Variants in ZMIZ1 observed in about 807,000 individuals in gnomAD.
ZMIZ1 encodes zinc finger MIZ domain-containing protein 1.
Under a neutral mutation model 113.9 loss-of-function variants are expected in ZMIZ1, and 17 were observed. The ratio of observed to expected loss-of-function variants is 0.15; its 90% CI spans 0.10 to 0.22. ZMIZ1 has a LOEUF of 0.22. ZMIZ1 is among the 10% of genes least tolerant of loss of function. ZMIZ1 has a pLI of 1.00. For missense variants in ZMIZ1, 1,059 were observed against 1,477.8 expected, an observed-to-expected ratio of 0.72 and a Z score of 4.65; for synonymous variants, 607 against 603.1, an observed-to-expected ratio of 1.01 and a Z score of -0.09.
At chr10:79,078,237 G>T (rs555090254) in intron 1 of ZMIZ1, among the ~76,000 whole-genome samples, 1 of 152,224 alleles carries the variant, frequency 6.6e-6, no homozygotes, top group South Asian at 2.1e-4. Flanking sequence ...GACTCTTCTC[G>T]TGTGAAGGGA....
At chr10:79,264,530 C>T (rs1038898869) in intron 7 of ZMIZ1, among the ~76,000 whole-genome samples, 1 of 152,174 alleles carries the variant, frequency 6.6e-6, no homozygotes, top group Admixed American at 6.5e-5. Flanking sequence ...AGAGCTCCTC[C>T]GCCATTGCCC....
At chr10:79,143,666 C>G (rs960896520) in intron 3 of ZMIZ1, among the ~76,000 whole-genome samples, 1 of 152,100 alleles carries the variant, frequency 6.6e-6, no homozygotes, top group Non-Finnish European at 1.5e-5. Flanking sequence ...TCCAGCATAA[C>G]AGTGAGCACT....
chr10:79,162,241 C>T, intron 4 of ZMIZ1, 108 bp downstream of exon 4: 1 of 397,658 alleles, frequency 2.5e-6, no homozygotes, highest in Non-Finnish European at 4.4e-6. Flanking sequence ...CGGGCCTCAG[C>T]CCTGAGGGGC....
chr10:79,078,382 C>T (rs958438124), intron 1 of ZMIZ1, among the ~76,000 whole-genome samples: 12 of 152,068 alleles, frequency 7.9e-5, no homozygotes, highest in African/African-American at 1.7e-4. Flanking sequence ...GACCATGAGC[C>T]GAAACAACAT....
chr10:79,223,967 C>T (rs1360023960), intron 7 of ZMIZ1, among the ~76,000 whole-genome samples: 2 of 152,140 alleles, frequency 1.3e-5, no homozygotes, highest in Non-Finnish European at 2.9e-5. Context: ...CCTGGGGTTC[C>T]AGGAATGAGC....
intron 5 of ZMIZ1, among the ~76,000 whole-genome samples, chr10:79,204,492 C>T (rs1170621607): frequency 6.6e-6 from 1 of 152,232 alleles, no homozygotes; most frequent in African/African-American, 2.4e-5. Context: ...ATCTGTACCC[C>T]ATCCCTGAGC....
chr10:79,230,542 T>A (rs1288380237), intron 7 of ZMIZ1, among the ~76,000 whole-genome samples: 1 of 152,198 alleles, frequency 6.6e-6, no homozygotes, highest in East Asian at 1.9e-4. Context: ...TTCCTCCCAA[T>A]TAAGCGTCTG....
intron 4 of ZMIZ1, among the ~76,000 whole-genome samples, chr10:79,163,824 C>T (rs564249046): frequency 1.1e-4 from 17 of 152,284 alleles, no homozygotes; most frequent in Admixed American, 8.5e-4. Flanking sequence ...TGGCCTGCCT[C>T]TCCCGATGGG....
intron 12 of ZMIZ1, 181 bp downstream of exon 12, chr10:79,293,834 G>A (rs764944173): frequency 2.0e-5 from 18 of 902,002 alleles, no homozygotes. Context: ...TTTCCCAACT[G>A]AAAGACCTCG....
chr10:79,303,959 C>T, intron 18 of ZMIZ1, 56 bp from the exon 19 acceptor site: 1 of 1,607,538 alleles, frequency 6.2e-7, no homozygotes, highest in Non-Finnish European at 8.5e-7. Flanking sequence ...TGCAGACCCC[C>T]TACCTCTGCA....
Position 79,171,423 on chromosome 10 carries a change from G to T in ZMIZ1, c.-50+9290G>T, listed in dbSNP as rs559432490. On this transcript the variant is annotated intron_variant, in intron 4 of 24. Coordinates refer to ENST00000334512, the MANE Select transcript of ZMIZ1 (RefSeq NM_020338.4). ...GTCCCACTGGGTCCTTAGTTCACAT[G>T]TGGTGCCTGGTACAGCACCCACCTT... Among the ~76,000 whole-genome samples the T allele has an allele frequency of 4.6e-5, 7 of 152,356 alleles. No homozygotes were observed. In the South Asian group the frequency reaches 1.4e-3, roughly 32 times the overall value.
rs1855513042 is a variant in ZMIZ1 at position 79,315,995 on chromosome 10, T to C, written c.*3246T>C. ...TGAGTGGAAAGGGGTTTTTGTTCTG[T>C]TTTTATTTTACCTACATGTACTATT... is the stretch of plus-strand genomic sequence containing the variant. On this transcript the variant is annotated 3_prime_UTR_variant, in exon 25 of 25. Transcript: ENST00000334512. The C allele has an allele frequency of 6.5e-6, 1 of 152,802 alleles. No homozygotes were observed. The highest frequency in any genetic ancestry group is 1.5e-5 in the Non-Finnish European group (1 of 68,050). 9.5% of individuals were successfully genotyped at this position (152,802 alleles called of 1,614,324 possible). A position where few individuals can be genotyped will look rare whatever the true frequency, so the allele number is the denominator to read the frequency against.
At chr10:79,170,385 G>A (rs895204680) in intron 4 of ZMIZ1, among the ~76,000 whole-genome samples, 5 of 152,132 alleles carry the variant, frequency 3.3e-5, no homozygotes, top group Non-Finnish European at 5.9e-5. Context: ...GTGGGTTTCC[G>A]CCCCATTCCT....
chr10:79,263,945 C>G (rs77528634), intron 7 of ZMIZ1, among the ~76,000 whole-genome samples: 8,170 of 152,218 alleles, frequency 0.054, 251 homozygotes, highest in Middle Eastern at 0.095. Context: ...AGGAGGGGAC[C>G]TCCTCAGAAA....
intron 4 of ZMIZ1, among the ~76,000 whole-genome samples, chr10:79,183,515 C>G (rs574462440): frequency 6.6e-6 from 1 of 152,134 alleles, no homozygotes; most frequent in Non-Finnish European, 1.5e-5. Context: ...GGTCCCAGAA[C>G]CATCCAGAAT....
At chr10:79,233,276 C>A (rs1294175651) in intron 7 of ZMIZ1, among the ~76,000 whole-genome samples, 1 of 152,248 alleles carries the variant, frequency 6.6e-6, no homozygotes, top group African/African-American at 2.4e-5. Context: ...TGCTTGGCCC[C>A]TGCCTTAGTC....
chr10:79,260,632 G>A (rs1425376507), intron 7 of ZMIZ1, among the ~76,000 whole-genome samples: 4 of 152,138 alleles, frequency 2.6e-5, no homozygotes, highest in African/African-American at 7.2e-5. Context: ...CCTTTTATTC[G>A]GCTTCTGTAT....
chr10:79,259,600 A>G (rs1851134032), intron 7 of ZMIZ1, among the ~76,000 whole-genome samples: 1 of 151,002 alleles, frequency 6.6e-6, no homozygotes, highest in Non-Finnish European at 1.5e-5. Flanking sequence ...GATCATGAAG[A>G]TATTCTCTAT....
rs1484722678 is a variant in ZMIZ1 at position 79,313,049 on chromosome 10, G to A, written c.*300G>A. ...CCGAGAGGAACCAGCCCGGTAAGAG[G>A]GCACACGCTGATGCGGCTTCCCGGT... On this transcript the variant is annotated 3_prime_UTR_variant, in exon 25 of 25. Coordinates refer to ENST00000334512, the MANE Select transcript of ZMIZ1 (RefSeq NM_020338.4). The A allele has an allele frequency of 2.4e-6, 1 of 414,258 alleles. No homozygotes were observed. The highest frequency in any genetic ancestry group is 2.0e-5 in the African/African-American group (1 of 50,150). 25.7% of individuals were successfully genotyped at this position (414,258 alleles called of 1,614,324 possible).
Sources: gnomAD v4.1 joint callset for allele counts (sites outside exome capture counted in the v4.1 genomes callset) on GRCh38, gnomAD v4.1.1 for gene constraint, MANE v1.5 for transcripts, NCBI Gene and HGNC (gene_info 2026-07-23, HGNC 2026-07-21) for gene names.